Variants in TMEM132C observed in about 807,000 individuals in gnomAD.
TMEM132C encodes the protein transmembrane protein 132C.
In TMEM132C, 29 loss-of-function variants were observed where a neutral mutation model predicts 61.4. The ratio of observed to expected loss-of-function variants is 0.47; its 90% CI spans 0.35 to 0.64. The LOEUF is 0.64. TMEM132C is among the 30% of genes least tolerant of loss of function. The pLI, the probability that TMEM132C is intolerant of heterozygous loss-of-function variation, is 0.00. For synonymous variants in TMEM132C, 656 were observed against 633.1 expected, an observed-to-expected ratio of 1.04 and a Z score of -0.54; for missense variants, 1,408 against 1,476.9, an observed-to-expected ratio of 0.95 and a Z score of 0.76.
At chr12:128,646,906 G>GT (rs1026457100) in intron 4 of TMEM132C, among the ~76,000 whole-genome samples, 2 of 150,828 alleles carry the variant, frequency 1.3e-5, no homozygotes, top group East Asian at 4.0e-4. Flanking sequence ...TTGGATGTGT[G>GT]TTTACTGGAG....
intron 5 of TMEM132C, among the ~76,000 whole-genome samples, chr12:128,690,472 A>C (rs979113063): frequency 1.3e-5 from 2 of 152,178 alleles, no homozygotes; most frequent in East Asian, 3.9e-4. Context: ...ATGCACGGCT[A>C]CTTCATACCC....
chr12:128,555,620 T>A (rs969531667), intron 3 of TMEM132C, among the ~76,000 whole-genome samples: 1 of 152,214 alleles, frequency 6.6e-6, no homozygotes, highest in African/African-American at 2.4e-5. Flanking sequence ...TTCAGTAGGC[T>A]TCAGGCCTTT....
chr12:128,492,137 G>A (rs1021487679), intron 2 of TMEM132C, among the ~76,000 whole-genome samples: 9 of 152,098 alleles, frequency 5.9e-5, no homozygotes, highest in African/African-American at 2.2e-4. Context: ...TGCTGAGAAT[G>A]ATGGTTTCCA....
Position 128,447,312 on chromosome 12 carries a change from G to A in TMEM132C, c.974+31692G>A, listed in dbSNP as rs75189012. Among the ~76,000 whole-genome samples, 602 of 152,198 alleles carry A rather than the reference G, an allele frequency of 4.0e-3. 6 individuals are homozygous for A. Among genetic ancestry groups the A allele is most frequent in the African/African-American group, 3.5e-3 (145 of 41,546 alleles). ...AAAGAATACGGCTCTTTCCACCTCCGGTCCCTTAAAATTACTGTCTTATCA... is the reference window on the plus strand; with the variant it reads ...AAAGAATACGGCTCTTTCCACCTCCAGTCCCTTAAAATTACTGTCTTATCA... On this transcript the variant is annotated intron_variant, in intron 2 of 8. Coordinates refer to ENST00000435159, the MANE Select transcript of TMEM132C (RefSeq NM_001136103.3).
At chr12:128,672,700 G>A (rs1954544740) in intron 5 of TMEM132C, among the ~76,000 whole-genome samples, 1 of 152,174 alleles carries the variant, frequency 6.6e-6, no homozygotes, top group African/African-American at 2.4e-5. Context: ...CTTGGCTGTG[G>A]CCTTGGGTCT....
intron 2 of TMEM132C, among the ~76,000 whole-genome samples, chr12:128,543,589 T>G (rs1277661608): frequency 1.3e-5 from 2 of 152,086 alleles, no homozygotes; most frequent in African/African-American, 2.4e-5. Context: ...CAACTACAAG[T>G]ATCTCCAGAC....
In TMEM132C at chr12:128,278,103, T is replaced by C. The variant is rs1230846481; in HGVS notation, c.85+10616T>C. On this transcript the variant is annotated intron_variant, in intron 1 of 8. Transcript: ENST00000435159. The surrounding 1 kb of genome is among the most constrained non-coding windows in gnomAD (Gnocchi z 4.2). ...TGAGTTGCTAAAGCCTGCCAGTTTCTCATGCCGCAGCTGTATACGGTGACC... is the reference window on the plus strand; with the variant it reads ...TGAGTTGCTAAAGCCTGCCAGTTTCCCATGCCGCAGCTGTATACGGTGACC... Among the ~76,000 whole-genome samples, 1 of 152,116 alleles carries C rather than the reference T, an allele frequency of 6.6e-6. No homozygotes were observed. Among genetic ancestry groups the C allele is most frequent in the Admixed American group, 6.5e-5 (1 of 15,276 alleles).
At chr12:128,394,281 G>A (rs1874868761) in intron 1 of TMEM132C, among the ~76,000 whole-genome samples, 1 of 152,070 alleles carries the variant, frequency 6.6e-6, no homozygotes, top group Non-Finnish European at 1.5e-5. Context: ...AATTCAAGAT[G>A]AAATTTGGGT....
chr12:128,581,174 C>A (rs7135555), intron 3 of TMEM132C, among the ~76,000 whole-genome samples: 14,272 of 152,092 alleles, frequency 0.094, 752 homozygotes, highest in East Asian at 0.16. Flanking sequence ...GTCACTGCCA[C>A]TGATTAATGC....
intron 1 of TMEM132C, among the ~76,000 whole-genome samples, chr12:128,280,319 A>G (rs1380999118): frequency 6.6e-6 from 1 of 152,100 alleles, no homozygotes; most frequent in East Asian, 1.9e-4. Context: ...CAAGTCGCCG[A>G]CTTTATTTCT....
intron 4 of TMEM132C, among the ~76,000 whole-genome samples, chr12:128,656,075 G>A (rs1255880927): frequency 6.6e-6 from 1 of 152,090 alleles, no homozygotes; most frequent in Non-Finnish European, 1.5e-5. Flanking sequence ...TTTTGAGAAG[G>A]AGTCTCGCTC....
chr12:128,451,908 C>T (rs116632992), intron 2 of TMEM132C, among the ~76,000 whole-genome samples: 1,968 of 151,454 alleles, frequency 0.013, 42 homozygotes, highest in African/African-American at 0.042. Context: ...GGTAGGTGGA[C>T]GACCACCAGA....
intron 2 of TMEM132C, among the ~76,000 whole-genome samples, chr12:128,533,503 G>C (rs1224373310): frequency 6.6e-6 from 1 of 152,188 alleles, no homozygotes; most frequent in Non-Finnish European, 1.5e-5. Flanking sequence ...TGTTGGCAGG[G>C]TTGATTCCTT....
chr12:128,392,361 G>C (rs1443847275), intron 1 of TMEM132C, among the ~76,000 whole-genome samples: 1 of 152,342 alleles, frequency 6.6e-6, no homozygotes, highest in Middle Eastern at 3.4e-3. Flanking sequence ...TGCCTGGTTT[G>C]AAAGAGCTTA....
intron 3 of TMEM132C, among the ~76,000 whole-genome samples, chr12:128,601,885 G>A (rs1876206547): frequency 6.6e-6 from 1 of 152,152 alleles, no homozygotes; most frequent in Non-Finnish European, 1.5e-5. Context: ...TAAGCATTTT[G>A]TGGCTGAGTA....
chr12:128,291,249 T>C (rs1369569833), intron 1 of TMEM132C, among the ~76,000 whole-genome samples: 2 of 152,244 alleles, frequency 1.3e-5, no homozygotes, highest in Non-Finnish European at 2.9e-5. Flanking sequence ...CCAGGAGTCA[T>C]GACACAAATG....
At chr12:128,612,067 A>C (rs75440118) in intron 3 of TMEM132C, among the ~76,000 whole-genome samples, 1 of 152,214 alleles carries the variant, frequency 6.6e-6, no homozygotes, top group African/African-American at 2.4e-5. Flanking sequence ...ACAAAAATAA[A>C]GAGACAAGGG....
rs376759247 is a variant in TMEM132C at position 128,299,423 on chromosome 12, G to A, written c.85+31936G>A. Among the ~76,000 whole-genome samples, 5 of 152,130 alleles carry A rather than the reference G, an allele frequency of 3.3e-5. No individual in the cohort carries two copies. In the East Asian group the frequency reaches 5.8e-4, roughly 18 times the overall value. On this transcript the variant is annotated intron_variant, in intron 1 of 8. Coordinates refer to ENST00000435159, the MANE Select transcript of TMEM132C (RefSeq NM_001136103.3). ...GCTGGTCCATGAGATTTTGAGTTAA[G>A]CAATGTACACGGAATTCACCAGCTA...
intron 3 of TMEM132C, among the ~76,000 whole-genome samples, chr12:128,574,697 G>T (rs1565978544): frequency 1.3e-5 from 2 of 152,182 alleles, no homozygotes; most frequent in Non-Finnish European, 2.9e-5. Context: ...AGATTGATGG[G>T]CTTGGGTGGT....
Sources: gnomAD v4.1 joint callset for allele counts (sites outside exome capture counted in the v4.1 genomes callset) on GRCh38, gnomAD v4.1.1 for gene constraint, Gnocchi (gnomAD v3.1) non-coding constraint, MANE v1.5 for transcripts, NCBI Gene and HGNC (gene_info 2026-07-23, HGNC 2026-07-21) for gene names.